Variants in ZNF385C observed in about 807,000 individuals in gnomAD.
The protein encoded by ZNF385C is zinc finger protein 385C.
A neutral mutation model predicts 35.4 loss-of-function variants in ZNF385C; 28 were observed. The ratio of observed to expected loss-of-function variants is 0.79; its 90% CI spans 0.59 to 1.08. The LOEUF (loss-of-function observed/expected upper bound fraction) is 1.08. Ranked by LOEUF, ZNF385C falls within the 50% of genes least tolerant of loss-of-function variation. The pLI, the probability that ZNF385C is intolerant of heterozygous loss-of-function variation, is 0.00. For missense variants in ZNF385C, 605 were observed against 595.6 expected (o/e 1.02, Z -0.16); for synonymous variants, 248 against 248.2 (o/e 1.00, Z 0.01).
intron 2 of ZNF385C, 57 bp from the exon 3 acceptor site, chr17:42,037,942 G>C (rs2052903761): frequency 6.5e-7 from 1 of 1,546,842 alleles, no homozygotes; most frequent in Non-Finnish European, 8.7e-7. Context: ...CCCGTGGCCA[G>C]AACAAGAGGC....
rs547654054 is a variant in ZNF385C at position 42,086,068 on chromosome 17, G to A, written c.-3+12342C>T. On this transcript the variant is annotated intron_variant, in intron 1 of 8. Coordinates refer to ENST00000692273, the MANE Select transcript of ZNF385C (RefSeq NM_001392013.1). The stretch of plus-strand genomic sequence containing the variant: ...GGGCAGCAGAGCAAGATCTTGTCTC[G>A]AAAAATAATAACAATACATTTAAAT... Among the ~76,000 whole-genome samples, 47 of 151,566 alleles carry A rather than the reference G, an allele frequency of 3.1e-4. 2 individuals carry two copies. The highest frequency in any genetic ancestry group is 1.1e-3 in the African/African-American group (46 of 41,374).
At chr17:42,065,523 C>G (rs935484696) in intron 1 of ZNF385C, among the ~76,000 whole-genome samples, 5 of 152,124 alleles carry the variant, frequency 3.3e-5, no homozygotes, top group Non-Finnish European at 7.4e-5. Flanking sequence ...AAGCCCAAGG[C>G]CAAAAACCTG....
At chr17:42,063,670 G>A (rs1008339490) in intron 1 of ZNF385C, among the ~76,000 whole-genome samples, 7 of 152,314 alleles carry the variant, frequency 4.6e-5, no homozygotes, top group African/African-American at 1.2e-4. Flanking sequence ...TCAGAGAGGC[G>A]GACTGGGGTC....
chr17:42,031,478 G>T, intron 5 of ZNF385C, 141 bp downstream of exon 5: 1 of 1,083,662 alleles, frequency 9.2e-7, no homozygotes, highest in Non-Finnish European at 1.3e-6. Context: ...AAAATTCATG[G>T]CGTGGTACAC....
intron 2 of ZNF385C, chr17:42,038,253 T>G (rs2052912649): frequency 5.4e-6 from 3 of 554,362 alleles, no homozygotes; most frequent in Non-Finnish European, 9.3e-6. Flanking sequence ...GATTCCATTT[T>G]ATTGCAAATT....
At chr17:42,083,705 G>GTTTTTT (rs1360873738) in intron 1 of ZNF385C, among the ~76,000 whole-genome samples, 1 of 58,308 alleles carries the variant, frequency 1.7e-5, no homozygotes, top group Non-Finnish European at 3.4e-5. Context: ...TGCTTTTCAA[G>GTTTTTT]TCTTTTTTTT....
chr17:42,079,198 A>C (rs1598203157), intron 1 of ZNF385C, among the ~76,000 whole-genome samples: 1 of 120,090 alleles, frequency 8.3e-6, no homozygotes, highest in Non-Finnish European at 1.8e-5. Flanking sequence ...AAAAAAAAAA[A>C]AAAAAATATA....
intron 2 of ZNF385C, among the ~76,000 whole-genome samples, chr17:42,055,094 G>T (rs1405907333): frequency 6.6e-6 from 1 of 152,124 alleles, no homozygotes; most frequent in African/African-American, 2.4e-5. Context: ...CCCAGGTCCC[G>T]ATGCTAGCCC....
At position 42,034,938 on chromosome 17, in the gene ZNF385C, C is replaced by T. The variant is rs1338028146; in HGVS notation, c.400-603G>A. On this transcript the variant is annotated intron_variant, in intron 3 of 8. Coordinates refer to ENST00000692273, the MANE Select transcript of ZNF385C (RefSeq NM_001392013.1). ...GGTCAGGAGTTCAAGACCAGCCTGG[C>T]CAAGAGAAACTCCTTCTCTACTAAA... Among the ~76,000 whole-genome samples, 5 of 150,798 alleles carry T rather than the reference C, an allele frequency of 3.3e-5. No homozygotes were observed. In the South Asian group the frequency reaches 1.0e-3, roughly 32 times the overall value.
intron 2 of ZNF385C, chr17:42,040,527 G>A (rs1258829169): frequency 8.4e-5 from 104 of 1,232,780 alleles, no homozygotes; most frequent in Non-Finnish European, 8.8e-5. Context: ...CCAGCAGCAG[G>A]TGGGTGAAGG....
intron 2 of ZNF385C, among the ~76,000 whole-genome samples, chr17:42,045,412 T>A (rs1432758320): frequency 6.6e-6 from 1 of 152,246 alleles, no homozygotes; most frequent in African/African-American, 2.4e-5. Flanking sequence ...TAAATGTAAC[T>A]ACCATTTCTG....
At chr17:42,065,084 T>G (rs2053528311) in intron 1 of ZNF385C, 1 of 152,244 alleles carries the variant, frequency 6.6e-6, no homozygotes, top group African/African-American at 2.4e-5. Context: ...ACTCCTGGCC[T>G]CAAGTGATCT....
chr17:42,093,588 T>TTA (rs10691874), intron 1 of ZNF385C, among the ~76,000 whole-genome samples: 10 of 144,936 alleles, frequency 6.9e-5, no homozygotes, highest in African/African-American at 1.4e-4. Context: ...TTTATTTATT[T>TTA]TTTTTTTTTT....
At chr17:42,068,010 G>A (rs1420248124) in intron 1 of ZNF385C, among the ~76,000 whole-genome samples, 1 of 152,138 alleles carries the variant, frequency 6.6e-6, no homozygotes, top group African/African-American at 2.4e-5. Context: ...CTGGGCTCAC[G>A]GGGCCGCCTG....
chr17:42,067,037 C>G (rs1555658492), intron 1 of ZNF385C, among the ~76,000 whole-genome samples: 1 of 151,260 alleles, frequency 6.6e-6, no homozygotes, highest in African/African-American at 2.4e-5. Flanking sequence ...CCATGGCACT[C>G]AAGCCTAGGT....
chr17:42,040,507 G>A, intron 2 of ZNF385C: 1 of 1,232,744 alleles, frequency 8.1e-7, no homozygotes, highest in Non-Finnish European at 1.0e-6. Flanking sequence ...CTGCACAGAG[G>A]GCAGGGCATC....
rs190393129 is a variant in ZNF385C at position 42,031,573 on chromosome 17, C to G, written c.676+46G>C. The G allele has an allele frequency of 1.2e-5, 18 of 1,516,712 alleles. No individual in the cohort carries two copies. The East Asian group carries it at 3.7e-4, about 31-fold the overall frequency. 94.0% of individuals were successfully genotyped at this position (1,516,712 alleles called of 1,614,324 possible). A position where few individuals can be genotyped will look rare whatever the true frequency, so the allele number is the denominator to read the frequency against. On this transcript the variant is annotated intron_variant, in intron 5 of 8. Coordinates refer to ENST00000692273, the MANE Select transcript of ZNF385C (RefSeq NM_001392013.1). ...AATCTCTCAACCCCTTGTCGGAAAC[C>G]AGATTTGGAGTGGAGACGTGGGAAA...
Position 42,028,155 on chromosome 17 carries a change from T to A in ZNF385C, c.1059A>T (p.Lys353Asn). The change falls in exon 7 of 9, where the codon AAA (lysine) becomes AAT (asparagine). Residue 353 changes from lysine to asparagine, a missense_variant. Lys to Asn is a moderately conservative substitution (Grantham distance 94). Coordinates refer to ENST00000692273, the MANE Select transcript of ZNF385C (RefSeq NM_001392013.1). ...RPVSRGGAGHKAKRVTGGRGG... is the reference protein window; with the variant it reads ...RPVSRGGAGHNAKRVTGGRGG... ...CCCGGCCCCCTGTGACTCTCTTGGC[T>A]TTGTGTCCGGCACCTCCCCTGGACA... 1 of 1,610,218 alleles carries A rather than the reference T, an allele frequency of 6.2e-7. No individual in the cohort carries two copies. Among genetic ancestry groups the A allele is most frequent in the Non-Finnish European group, 8.5e-7 (1 of 1,178,662 alleles).
chr17:42,036,121 A>G (rs1390956449), intron 3 of ZNF385C, among the ~76,000 whole-genome samples: 3 of 152,050 alleles, frequency 2.0e-5, no homozygotes, highest in Non-Finnish European at 4.4e-5. Context: ...CAGCCTCCCA[A>G]GTAGCTGGGA....
Sources: gnomAD v4.1 joint callset for allele counts (sites outside exome capture counted in the v4.1 genomes callset) on GRCh38, gnomAD v4.1.1 for gene constraint, MANE v1.5 for transcripts, NCBI Gene and HGNC (gene_info 2026-07-23, HGNC 2026-07-21) for gene names.